Variants in RAB2A observed in about 807,000 individuals in gnomAD.
The protein encoded by RAB2A is RAB2A, member RAS oncogene family, also known as ras-related protein Rab-2A.
RAB2A carries 7 observed loss-of-function variants against 32.5 expected under a neutral mutation model. The ratio of observed to expected loss-of-function variants is 0.22; its 90% confidence interval spans 0.12 to 0.40. The LOEUF (loss-of-function observed/expected upper bound fraction) is 0.40, where lower values mean the gene tolerates loss of function less well. Ranked by LOEUF, RAB2A falls within the 10% of genes least tolerant of loss-of-function variation. RAB2A has a pLI of 1.00. For synonymous variants in RAB2A, 79 were observed against 85.2 expected, an observed-to-expected ratio of 0.93 and a Z score of 0.40; for missense variants, 108 against 260.7, an observed-to-expected ratio of 0.41 and a Z score of 4.03.
At chr8:60,588,555 TA>T (rs1168833841) in intron 5 of RAB2A, among the ~76,000 whole-genome samples, 3 of 152,128 alleles carry the variant, frequency 2.0e-5, no homozygotes, top group Non-Finnish European at 4.4e-5. Context: ...TCAAAATAAT[TA>T]CAGAGTGAAA....
chr8:60,579,821 G>T (rs1803709990), intron 3 of RAB2A, among the ~76,000 whole-genome samples: 1 of 151,932 alleles, frequency 6.6e-6, no homozygotes, highest in South Asian at 2.1e-4. Context: ...TAGAGACAGG[G>T]TTTCACTGTG....
At chr8:60,518,514 G>A (rs867544793) in intron 1 of RAB2A, among the ~76,000 whole-genome samples, 5 of 150,140 alleles carry the variant, frequency 3.3e-5, no homozygotes, top group African/African-American at 1.2e-4. Flanking sequence ...AAGTTAGCCG[G>A]GCGTCGTGGC....
chr8:60,622,857 C>T lies in RAB2A; in HGVS notation c.*2088C>T, dbSNP rs979615744. On this transcript the variant is annotated 3_prime_UTR_variant, in exon 8 of 8. Transcript: ENST00000262646. Reference sequence around the variant, plus strand: ...CACATTCTCTACAAATCACATCTACCGTTAAGGAATATGTTATGAATCCTT... The same window carrying T: ...CACATTCTCTACAAATCACATCTACTGTTAAGGAATATGTTATGAATCCTT... 8 of 152,128 alleles carry T rather than the reference C, an allele frequency of 5.3e-5. No individual in the cohort carries two copies. The highest frequency in any genetic ancestry group is 1.4e-4 in the African/African-American group (6 of 41,426). The allele number at this position is 152,128 out of a possible 1,614,324, so 9.4% of individuals were successfully genotyped here. A position where few individuals can be genotyped will look rare whatever the true frequency, so the allele number is the denominator to read the frequency against.
At chr8:60,533,661 T>C (rs902878140) in intron 1 of RAB2A, among the ~76,000 whole-genome samples, 1 of 152,084 alleles carries the variant, frequency 6.6e-6, no homozygotes, top group East Asian at 1.9e-4. Flanking sequence ...TTTTTTTTCT[T>C]CCTAAAGAAA....
At chr8:60,597,471 A>G (rs778910350) in intron 6 of RAB2A, among the ~76,000 whole-genome samples, 34 of 152,206 alleles carry the variant, frequency 2.2e-4, no homozygotes, top group Non-Finnish European at 4.7e-4. Context: ...GAAGGATAGC[A>G]TTAGGAGAAA....
chr8:60,554,032 G>C (rs1032149791), intron 1 of RAB2A, among the ~76,000 whole-genome samples: 1 of 152,164 alleles, frequency 6.6e-6, no homozygotes, highest in African/African-American at 2.4e-5. Flanking sequence ...ACACTGTATT[G>C]TCATAGTATT....
intron 7 of RAB2A, among the ~76,000 whole-genome samples, chr8:60,619,375 A>G (rs1226238175): frequency 2.0e-5 from 3 of 152,174 alleles, no homozygotes; most frequent in Non-Finnish European, 4.4e-5. Context: ...GCCATTCTGT[A>G]TTAAGATTTC....
chr8:60,537,474 C>T (rs1041495719), intron 1 of RAB2A, among the ~76,000 whole-genome samples: 12 of 152,230 alleles, frequency 7.9e-5, no homozygotes, highest in African/African-American at 2.9e-4. Context: ...CCACCCGCCT[C>T]GACCTTCCAA....
At chr8:60,548,758 C>A (rs539758492) in intron 1 of RAB2A, among the ~76,000 whole-genome samples, 1 of 135,152 alleles carries the variant, frequency 7.4e-6, no homozygotes, top group African/African-American at 3.0e-5. Context: ...GGCGGCTGGC[C>A]GGGCGGGGGG....
chr8:60,592,738 A>AT (rs1803963262), intron 6 of RAB2A, among the ~76,000 whole-genome samples: 1 of 152,190 alleles, frequency 6.6e-6, no homozygotes, highest in Non-Finnish European at 1.5e-5. Context: ...GTTTGGAGGT[A>AT]GTATGTATAT....
Position 60,622,077 on chromosome 8 carries a change from C to T in RAB2A, c.*1308C>T, listed in dbSNP as rs1438862182. The T allele has an allele frequency of 6.6e-6, 1 of 152,032 alleles. No homozygotes were observed. Among genetic ancestry groups the T allele is most frequent in the Non-Finnish European group, 1.5e-5 (1 of 67,988 alleles). The allele number at this position is 152,032 out of a possible 1,614,324, so 9.4% of individuals were successfully genotyped here. ...CTTACAGCTTTTACATGGGTTTAAG[C>T]ATGTTTTTTAAAAGGGTCAGAATGG... On this transcript the variant is annotated 3_prime_UTR_variant, in exon 8 of 8. Transcript: ENST00000262646.
intron 3 of RAB2A, among the ~76,000 whole-genome samples, chr8:60,575,863 G>A (rs1257304273): frequency 6.6e-6 from 1 of 151,924 alleles, no homozygotes; most frequent in Non-Finnish European, 1.5e-5. Context: ...CTCCATGTTG[G>A]TCAGGCTGGT....
At chr8:60,599,966 C>A (rs1433946586) in intron 6 of RAB2A, among the ~76,000 whole-genome samples, 1 of 151,584 alleles carries the variant, frequency 6.6e-6, no homozygotes, top group African/African-American at 2.4e-5. Flanking sequence ...AAAGACACAT[C>A]TTCAGAGTGG....
At chr8:60,596,051 T>C (rs549475889) in intron 6 of RAB2A, among the ~76,000 whole-genome samples, 8 of 152,172 alleles carry the variant, frequency 5.3e-5, no homozygotes, top group Non-Finnish European at 8.8e-5. Context: ...TTGTGGAAAA[T>C]AGCTAAAACA....
intron 1 of RAB2A, chr8:60,552,807 CTCTT>C (rs1299050153): frequency 6.6e-6 from 1 of 152,178 alleles, no homozygotes; most frequent in African/African-American, 2.4e-5. Context: ...AATTTTCTCT[CTCTT>C]ATCAGTCAAC....
At position 60,572,182 on chromosome 8, in the gene RAB2A, T is replaced by C. The variant is rs1411490881; in HGVS notation, c.186+69T>C. On this transcript the variant is annotated intron_variant, in intron 3 of 7. Coordinates refer to ENST00000262646, the MANE Select transcript of RAB2A (RefSeq NM_002865.3). ...TTTATGAAAGTACATCGTATATTTG[T>C]TTTAATGTTATTATATGCCTGTTAT... The C allele has an allele frequency of 4.9e-6, 6 of 1,215,306 alleles. No homozygotes were observed. In the Admixed American group the frequency reaches 1.1e-4, roughly 23 times the overall value. The allele number at this position is 1,215,306 out of a possible 1,614,324, so 75.3% of individuals were successfully genotyped here. A position where few individuals can be genotyped will look rare whatever the true frequency, so the allele number is the denominator to read the frequency against.
intron 6 of RAB2A, among the ~76,000 whole-genome samples, chr8:60,595,952 G>A (rs1346993058): frequency 6.6e-6 from 1 of 152,172 alleles, no homozygotes; most frequent in Admixed American, 6.5e-5. Context: ...CAAATACTTG[G>A]AAACTAAACA....
At chr8:60,599,114 A>G (rs934039324) in intron 6 of RAB2A, among the ~76,000 whole-genome samples, 4 of 152,104 alleles carry the variant, frequency 2.6e-5, no homozygotes, top group Non-Finnish European at 4.4e-5. Context: ...ATAAAAATCA[A>G]TCGTATTTCT....
chr8:60,570,087 C>G, intron 2 of RAB2A: 1 of 453,958 alleles, frequency 2.2e-6, no homozygotes. Context: ...GCCCTCTGCT[C>G]AAGATATCAA....
Sources: allele counts gnomAD v4.1 joint callset (sites outside exome capture counted in the v4.1 genomes callset), GRCh38; gene constraint gnomAD v4.1.1; transcripts MANE v1.5; gene names NCBI Gene and HGNC (gene_info 2026-07-23, HGNC 2026-07-21).